The following DGKK variants were observed in gnomAD, a reference collection of about 807,000 sequenced individuals.
DGKK encodes diacylglycerol kinase kappa, also known as 142 kDa diacylglycerol kinase.
Under a neutral mutation model 92.2 loss-of-function variants are expected in DGKK, and 35 were observed. The ratio of observed to expected loss-of-function variants is 0.38; its 90% CI spans 0.29 to 0.50. The LOEUF (loss-of-function observed/expected upper bound fraction) is 0.50, where lower values mean the gene tolerates loss of function less well. Among genes scored for constraint, DGKK ranks in the 20% least tolerant of loss-of-function variants. The pLI is 0.92. For synonymous variants in DGKK, 368 were observed against 360.6 expected (o/e 1.02, Z -0.23); for missense variants, 910 against 992.2 (o/e 0.92, Z 1.11).
chrX:50,389,433 C>G (rs1924628937), intron 12 of DGKK, among the ~76,000 whole-genome samples: 1 of 112,026 alleles, frequency 8.9e-6, no homozygotes, highest in Non-Finnish European at 1.9e-5. Context: ...TCAATTGTTT[C>G]TCCACATACC....
intron 8 of DGKK, among the ~76,000 whole-genome samples, chrX:50,396,179 A>T (rs1234406441): frequency 8.9e-6 from 1 of 112,154 alleles, no homozygotes; most frequent in African/African-American, 3.2e-5. Flanking sequence ...AGTCTCCAAA[A>T]TATACTGTGA....
rs782144056 is a variant in DGKK, at chrX:50,390,338, G to T, written c.1916C>A (p.Pro639Gln). 4 of 1,209,744 alleles carry T rather than the reference G, an allele frequency of 3.3e-6. No homozygotes were observed. In the South Asian group the frequency reaches 7.0e-5, roughly 21 times the overall value. The change falls in exon 12 of 28, where the codon CCA becomes CAA. Residue 639 changes from proline to glutamine, a missense_variant. By Grantham distance (76) the Pro-to-Gln change is moderately conservative (BLOSUM62 -1). Coordinates refer to ENST00000611977, the MANE Select transcript of DGKK (RefSeq NM_001013742.4). ...LLKGQVEMDVPRFEAAAIQHL... is the reference protein window; with the variant it reads ...LLKGQVEMDVQRFEAAAIQHL... ...CTGAACAGTAGTTACCTCAAATCGTGGTACATCCATTTCAACCTGTCCTTT... is the reference window on the plus strand; with the variant it reads ...CTGAACAGTAGTTACCTCAAATCGTTGTACATCCATTTCAACCTGTCCTTT...
rs1287855089 is a variant in DGKK, at chrX:50,447,408, TA to T, written c.645+22625del. 5.0e-3 allele frequency among the ~76,000 whole-genome samples: 66 copies of T among 13,181 alleles called. 6 individuals are homozygous for T. The highest frequency in any genetic ancestry group is 0.046 in the African/African-American group (61 of 1,317). The allele number at this position is 13,181 out of a possible 115,157, so 11.4% of individuals were successfully genotyped here. On this transcript the variant is annotated intron_variant, in intron 1 of 27. Coordinates refer to ENST00000611977, the MANE Select transcript of DGKK (RefSeq NM_001013742.4). ...AATATATATATATTATATATATATA[TA>T]ATATATATATATATATATTATATAT...
At position 50,470,553 on chromosome X, in the gene DGKK, A is replaced by C; in HGVS notation, c.126T>G (p.Ala42=). 8.3e-7 allele frequency: 1 copy of C among 1,204,884 alleles called. No individual in the cohort carries two copies. The highest frequency in any genetic ancestry group is 1.1e-6 in the Non-Finnish European group (1 of 893,594). The change falls in exon 1 of 28, where the codon GCT becomes GCG. Residue 42 remains alanine (A), a synonymous_variant. Transcript: ENST00000611977. ...GCGAAGCCTCGGAGAGCAGCGGCGG[A>C]GCCGGCGGCGGAGCCGGTGGTGGTG... The part of the protein sequence containing the change: ...PPPPPPAPPP[A]PPLLSEASPE...
intron 4 of DGKK, among the ~76,000 whole-genome samples, chrX:50,414,434 T>G (rs1393268618): frequency 9.0e-6 from 1 of 111,636 alleles, no homozygotes; most frequent in Non-Finnish European, 1.9e-5. Flanking sequence ...TATACATATG[T>G]GAAAACATCA....
intron 2 of DGKK, 96 bp downstream of exon 2, chrX:50,424,152 G>A: frequency 3.8e-6 from 3 of 797,579 alleles, no homozygotes. Context: ...CCACCCTAAT[G>A]TTTGCTGACA....
In DGKK at chrX:50,403,122, T is replaced by A. The variant is rs781799649; in HGVS notation, c.1247A>T (p.His416Leu). The part of the protein sequence containing the change: ...MPVSSQCAVC[H>L]ESCGSYQRLQ... ...TCTTTGATAACTGCCACAGCTCTCA[T>A]GACACACTGCACACTGAGAGCTGAC... Residue 416 changes from histidine to leucine, a missense_variant, in exon 7 of 28, where the codon CAT becomes CTT. By Grantham distance (99) the His-to-Leu change is moderately conservative. Transcript: ENST00000611977. 5 of 1,207,268 alleles carry A rather than the reference T, an allele frequency of 4.1e-6. No individual in the cohort carries two copies. Among genetic ancestry groups the A allele is most frequent in the Non-Finnish European group, 5.6e-6 (5 of 893,831 alleles).
At chrX:50,390,798 T>C (rs913326061) in intron 11 of DGKK, among the ~76,000 whole-genome samples, 1 of 112,105 alleles carries the variant, frequency 8.9e-6, no homozygotes, top group African/African-American at 3.2e-5. Context: ...GAGATCCTTA[T>C]GGGCAGCAAT....
intron 15 of DGKK, among the ~76,000 whole-genome samples, chrX:50,385,628 C>T (rs1924526655): frequency 8.9e-6 from 1 of 111,797 alleles, no homozygotes; most frequent in African/African-American, 3.2e-5. Flanking sequence ...CGTGAAGGTA[C>T]CAAGGCAGGG....
rs1435270752 is a variant in DGKK, at chrX:50,427,721, A to G, written c.646-3363T>C. 3.7e-5 allele frequency among the ~76,000 whole-genome samples: 4 copies of G among 109,189 alleles called. No individual in the cohort carries two copies. In the South Asian group the frequency reaches 1.2e-3, roughly 33 times the overall value. The allele number at this position is 109,189 out of a possible 115,157, so 94.8% of individuals were successfully genotyped here. A position where few individuals can be genotyped will look rare whatever the true frequency, so the allele number is the denominator to read the frequency against. On this transcript the variant is annotated intron_variant, in intron 1 of 27. Coordinates refer to ENST00000611977, the MANE Select transcript of DGKK (RefSeq NM_001013742.4). Reference sequence around the variant, plus strand: ...ACATTCTTTACTTTCCAATTTTTCTATATATCTAAAACTGCCAAAAATGGT... The same window carrying G: ...ACATTCTTTACTTTCCAATTTTTCTGTATATCTAAAACTGCCAAAAATGGT...
chrX:50,381,332 G>A (rs1256996208), intron 18 of DGKK, among the ~76,000 whole-genome samples: 2 of 111,258 alleles, frequency 1.8e-5, no homozygotes, highest in Non-Finnish European at 3.8e-5. Flanking sequence ...GTCAAGCATG[G>A]TATCATGCAC....
chrX:50,441,359 A>T (rs1926167731), intron 1 of DGKK, among the ~76,000 whole-genome samples: 1 of 111,421 alleles, frequency 9.0e-6, no homozygotes, highest in Non-Finnish European at 1.9e-5. Flanking sequence ...GTTTGGAGGT[A>T]AGAGGACATT....
At chrX:50,421,024 A>G (rs1469772308) in intron 3 of DGKK, among the ~76,000 whole-genome samples, 2 of 112,118 alleles carry the variant, frequency 1.8e-5, no homozygotes, top group Admixed American at 1.9e-4. Context: ...GTCTACTTGA[A>G]GTGGTAAAAT....
rs782191640 is a variant in DGKK at position 50,470,640 on chromosome X, C to A, written c.39G>T (p.Pro13=). The part of the protein sequence containing the change: ...RGAAAAQGTA[P]PQDGEQPAES... ...CAGCGGGCTGCTCTCCATCCTGAGGCGGGGCAGTGCCCTGGGCTGCGGCAG... is the reference window on the plus strand; with the variant it reads ...CAGCGGGCTGCTCTCCATCCTGAGGAGGGGCAGTGCCCTGGGCTGCGGCAG... Residue 13 remains proline (P), a synonymous_variant, in exon 1 of 28, where the codon CCG becomes CCT. Transcript: ENST00000611977. The A allele has an allele frequency of 8.7e-7, 1 of 1,142,989 alleles. No individual in the cohort carries two copies. Among genetic ancestry groups the A allele is most frequent in the Non-Finnish European group, 1.2e-6 (1 of 867,801 alleles). 94.2% of individuals were successfully genotyped at this position (1,142,989 alleles called of 1,213,427 possible).
chrX:50,398,878 A>C (rs1305116882), intron 8 of DGKK, among the ~76,000 whole-genome samples: 1 of 111,790 alleles, frequency 8.9e-6, no homozygotes, highest in African/African-American at 3.3e-5. Flanking sequence ...TTTCACTACC[A>C]GCCTGATTTT....
chrX:50,432,943 A>G (rs924690682), intron 1 of DGKK, among the ~76,000 whole-genome samples: 3 of 111,559 alleles, frequency 2.7e-5, no homozygotes, highest in African/African-American at 9.8e-5. Flanking sequence ...TATGGGGAGG[A>G]GGTGAGCAAT....
At chrX:50,383,573 T>C (rs5915426) in intron 17 of DGKK, among the ~76,000 whole-genome samples, 30,528 of 111,389 alleles carry the variant, frequency 0.27, 3,332 homozygotes, top group Middle Eastern at 0.39. Flanking sequence ...CATACTGACC[T>C]TACATCTCTC....
intron 1 of DGKK, among the ~76,000 whole-genome samples, chrX:50,427,374 T>C (rs1272388136): frequency 1.8e-5 from 2 of 109,956 alleles, no homozygotes; most frequent in African/African-American, 6.6e-5. Flanking sequence ...GATGAATAGG[T>C]GGAGCACAGG....
intron 4 of DGKK, among the ~76,000 whole-genome samples, chrX:50,416,089 T>C (rs1557228503): frequency 9.0e-6 from 1 of 111,110 alleles, no homozygotes; most frequent in Non-Finnish European, 1.9e-5. Context: ...TTGCTCCTTT[T>C]TCTGCCATAT....
Sources: gnomAD v4.1 joint callset for allele counts (sites outside exome capture counted in the v4.1 genomes callset) on GRCh38, gnomAD v4.1.1 for gene constraint, MANE v1.5 for transcripts, NCBI Gene and HGNC (gene_info 2026-07-23, HGNC 2026-07-21) for gene names.